Variants in S1PR3 observed in about 807,000 individuals in gnomAD.
The protein encoded by S1PR3 is sphingosine 1-phosphate receptor 3.
S1PR3 carries 12 observed loss-of-function variants against 13.3 expected under a neutral mutation model. The observed-to-expected ratio is 0.90, with a 90% confidence interval of 0.58 to 1.46. The LOEUF is 1.46. Among genes scored for constraint, S1PR3 ranks in the 40% most tolerant of loss-of-function variants. The pLI, the probability that S1PR3 is intolerant of heterozygous loss-of-function variation, is 0.00. For missense variants in S1PR3, 450 were observed against 501.9 expected (o/e 0.90, Z 0.99); for synonymous variants, 232 against 214.0 (o/e 1.08, Z -0.73).
chr9:88,999,155 C>T (rs1825839854), intron 1 of S1PR3: 1 of 152,416 alleles, frequency 6.6e-6, no homozygotes, highest in Non-Finnish European at 1.5e-5. Context: ...CGACCCAAGG[C>T]CTCTGTGACT....
intron 1 of S1PR3, chr9:88,996,847 A>C (rs1191869865): frequency 2.0e-5 from 3 of 151,922 alleles, no homozygotes; most frequent in Non-Finnish European, 4.4e-5. Context: ...GGGCTTGCTG[A>C]CTCCAGGAGC....
intron 1 of S1PR3, chr9:88,992,916 T>G (rs1440305879): frequency 6.6e-6 from 1 of 152,630 alleles, no homozygotes; most frequent in Non-Finnish European, 1.5e-5. Context: ...CGTCAGGCTT[T>G]TTTCATTAGC....
At chr9:88,990,908 G>GCC (rs1825680759), upstream of S1PR3, 1 of 1,541,364 alleles carries the variant, frequency 6.5e-7, no homozygotes, top group African/African-American at 1.4e-5. Flanking sequence ...GACCCGCGCG[G>GCC]AAAAGGAAGA....
chr9:88,997,357 C>T (rs2118595581), intron 1 of S1PR3: 1 of 152,208 alleles, frequency 6.6e-6, no homozygotes, highest in East Asian at 1.9e-4. Context: ...TTTGTATAAG[C>T]CGTGGGTCTA....
rs546398741 is a variant in S1PR3 at position 89,001,418 on chromosome 9, G to T, written c.218G>T (p.Arg73Leu). Residue 73 changes from arginine to leucine, a missense_variant, in exon 2 of 2, where the codon CGC becomes CTC. By Grantham distance (102) the Arg-to-Leu change is moderately radical (BLOSUM62 -2). Coordinates refer to ENST00000358157, the MANE Select transcript of S1PR3 (RefSeq NM_005226.4). ...AIWKNNKFHN[R>L]MYFFIGNLAL... ...TGGAAAAACAATAAATTTCACAACC[G>T]CATGTACTTTTTCATTGGCAACCTG... 10 of 1,614,066 alleles carry T rather than the reference G, an allele frequency of 6.2e-6. No individual in the cohort carries two copies. The highest frequency in any genetic ancestry group is 8.5e-6 in the Non-Finnish European group (10 of 1,180,046).
chr9:89,001,641 C>T lies in S1PR3; in HGVS notation c.441C>T (p.Asp147=). 4 of 1,614,206 alleles carry T rather than the reference C, an allele frequency of 2.5e-6. No individual in the cohort carries two copies. The highest frequency in any genetic ancestry group is 2.2e-5 in the East Asian group (1 of 44,870). The change falls in exon 2 of 2, where the codon GAC becomes GAT. Residue 147 remains aspartate (D), a synonymous_variant. Coordinates refer to ENST00000358157, the MANE Select transcript of S1PR3 (RefSeq NM_005226.4). ...HLTMIKMRPY[D]ANKRHRVFLL... is the part of the protein sequence containing the mutation. ...CAATGATCAAAATGAGGCCTTACGA[C>T]GCCAACAAGAGGCACCGCGTCTTCC...
chr9:88,991,274 G>A, upstream of S1PR3: 1 of 1,538,778 alleles, frequency 6.5e-7, no homozygotes, highest in Non-Finnish European at 8.8e-7. This position sits in a 1 kb window ranked among gnomAD's most constrained non-coding sequence, Gnocchi z 4.0. Flanking sequence ...CAGGCTAGGG[G>A]CGGGCGGGGC....
intron 1 of S1PR3, chr9:88,992,046 G>C (rs1216705823): frequency 6.2e-7 from 1 of 1,601,660 alleles, no homozygotes; most frequent in East Asian, 2.2e-5. Flanking sequence ...AGAGGGTTGT[G>C]GTCGTTAGCC....
rs1825901988 is a variant in S1PR3, at chr9:89,004,028, G to A, written c.*1691G>A. The A allele has an allele frequency of 6.0e-6, 1 of 167,006 alleles. No individual in the cohort carries two copies. Among genetic ancestry groups the A allele is most frequent in the Non-Finnish European group, 1.5e-5 (1 of 68,114 alleles). 10.3% of individuals were successfully genotyped at this position (167,006 alleles called of 1,614,324 possible). A position where few individuals can be genotyped will look rare whatever the true frequency, so the allele number is the denominator to read the frequency against. Reference sequence around the variant, plus strand: ...GCCTTCTTGACATCAATGAAAAGTAGCATATTCTCTTATGAAATAGCATGA... The same window carrying A: ...GCCTTCTTGACATCAATGAAAAGTAACATATTCTCTTATGAAATAGCATGA... On this transcript the variant is annotated 3_prime_UTR_variant, in exon 2 of 2. Coordinates refer to ENST00000358157, the MANE Select transcript of S1PR3 (RefSeq NM_005226.4).
chr9:88,992,231 T>G, intron 1 of S1PR3: 1 of 575,668 alleles, frequency 1.7e-6, no homozygotes, highest in Non-Finnish European at 3.0e-6. Context: ...AGATAACAGC[T>G]AGAGAAGGGG....
At chr9:88,995,898 T>C (rs115138747) in intron 1 of S1PR3, 2,236 of 167,088 alleles carry the variant, frequency 0.013, 59 homozygotes, top group African/African-American at 0.051. Context: ...AGCATCTGTA[T>C]TGGTTAGAAG....
At position 88,995,721 on chromosome 9, in the gene S1PR3, G is replaced by A. The variant is rs183063895; in HGVS notation, c.-148+4026G>A. 3.3e-3 allele frequency: 559 copies of A among 167,212 alleles called. 2 individuals are homozygous for A. The highest frequency in any genetic ancestry group is 4.1e-3 in the Non-Finnish European group (282 of 68,128). The allele number at this position is 167,212 out of a possible 1,614,324, so 10.4% of individuals were successfully genotyped here. On this transcript the variant is annotated intron_variant, in intron 1 of 1. Transcript: ENST00000358157. ...CAGTGTCTCTCAGTAAACATGAAAAGACTGAAGATGCAGACAATCAAATAC... is the reference window on the plus strand; with the variant it reads ...CAGTGTCTCTCAGTAAACATGAAAAAACTGAAGATGCAGACAATCAAATAC...
Position 89,001,398 on chromosome 9 carries a change from A to G in S1PR3, c.198A>G (p.Lys66=). 1 of 1,614,174 alleles carries G rather than the reference A, an allele frequency of 6.2e-7. No homozygotes were observed. The highest frequency in any genetic ancestry group is 1.1e-5 in the South Asian group (1 of 91,088). Reference sequence around the variant, plus strand: ...TGATGGTTTTGATTGCCATCTGGAAAAACAATAAATTTCACAACCGCATGT... The same window carrying G: ...TGATGGTTTTGATTGCCATCTGGAAGAACAATAAATTTCACAACCGCATGT... ...ENLMVLIAIW[K]NNKFHNRMYF... The change falls in exon 2 of 2, where the codon AAA becomes AAG. Residue 66 remains lysine, a synonymous_variant. Transcript: ENST00000358157.
rs577646307 is a variant in S1PR3, at chr9:89,001,368, G to A, written c.168G>A (p.Glu56=). 6.2e-7 allele frequency: 1 copy of A among 1,614,216 alleles called. No individual in the cohort carries two copies. The highest frequency in any genetic ancestry group is 8.5e-7 in the Non-Finnish European group (1 of 1,180,048). ...TCATCTGCAGCTTCATCGTCTTGGA[G>A]AACCTGATGGTTTTGATTGCCATCT... ...FLVICSFIVL[E]NLMVLIAIWK... is the part of the protein sequence containing the mutation. The change falls in exon 2 of 2, where the codon GAG becomes GAA. Residue 56 remains glutamate, a synonymous_variant. Transcript: ENST00000358157.
chr9:88,991,336 G>A (rs1825695567), upstream of S1PR3: 1 of 1,400,784 alleles, frequency 7.1e-7, no homozygotes, highest in Non-Finnish European at 9.6e-7. This position sits in a 1 kb window ranked among gnomAD's most constrained non-coding sequence, Gnocchi z 4.0. Context: ...AGGAGTGCCG[G>A]GTTCGCGGGC....
At position 89,004,632 on chromosome 9, in the gene S1PR3, C is replaced by T. The variant is rs1303122041; in HGVS notation, c.*2295C>T. 1.2e-5 allele frequency: 2 copies of T among 167,100 alleles called. No homozygotes were observed. The highest frequency in any genetic ancestry group is 6.5e-5 in the Admixed American group (1 of 15,296). 10.4% of individuals were successfully genotyped at this position (167,100 alleles called of 1,614,324 possible). A position where few individuals can be genotyped will look rare whatever the true frequency, so the allele number is the denominator to read the frequency against. ...TCTCAGCCTTCATCCATTAACTCTACTAGGGAGCCCACAGCCACCATTTCC... is the reference window on the plus strand; with the variant it reads ...TCTCAGCCTTCATCCATTAACTCTATTAGGGAGCCCACAGCCACCATTTCC... On this transcript the variant is annotated 3_prime_UTR_variant, in exon 2 of 2. Transcript: ENST00000358157.
chr9:88,995,894 T>C (rs1266686077), intron 1 of S1PR3: 2 of 167,210 alleles, frequency 1.2e-5, no homozygotes, highest in East Asian at 3.9e-4. Context: ...TGTCAGCATC[T>C]GTATTGGTTA....
In S1PR3 at chr9:88,991,979, G is replaced by A. The variant is rs1416994390; in HGVS notation, c.-148+284G>A. Reference sequence around the variant, plus strand: ...AGAAGTTCCATCAGTCGTTTTCCTTGGACAATTAACAAGTTAGGCTTCCAC... The same window carrying A: ...AGAAGTTCCATCAGTCGTTTTCCTTAGACAATTAACAAGTTAGGCTTCCAC... On this transcript the variant is annotated intron_variant, in intron 1 of 1. Transcript: ENST00000358157. The surrounding 1 kb of genome is among the most constrained non-coding windows in gnomAD (Gnocchi z 4.0). 6.2e-7 allele frequency: 1 copy of A among 1,614,230 alleles called. No homozygotes were observed. Among genetic ancestry groups the A allele is most frequent in the Admixed American group, 1.7e-5 (1 of 60,034 alleles).
rs867857389 is a variant in S1PR3 at position 89,001,962 on chromosome 9, C to T, written c.762C>T (p.Ala254=). Residue 254 remains alanine (A), a synonymous_variant, in exon 2 of 2, where the codon GCC becomes GCT. Transcript: ENST00000358157. Reference sequence around the variant, plus strand: ...TGATTGTGGTGAGCGTGTTCATCGCCTGCTGGTCCCCACTCTTCATCCTCT... The same window carrying T: ...TGATTGTGGTGAGCGTGTTCATCGCTTGCTGGTCCCCACTCTTCATCCTCT... ...TVVIVVSVFI[A]CWSPLFILFL... 6.2e-7 allele frequency: 1 copy of T among 1,614,166 alleles called. No homozygotes were observed.
Sources: allele counts gnomAD v4.1 joint callset, GRCh38; gene constraint gnomAD v4.1.1; non-coding constraint Gnocchi (gnomAD v3.1); transcripts MANE v1.5; gene names NCBI Gene and HGNC (gene_info 2026-07-23, HGNC 2026-07-21).